The following PARVB variants were observed in gnomAD, a reference collection of about 807,000 sequenced individuals.
PARVB encodes the protein parvin beta, also known as beta-parvin.
In PARVB, 46 loss-of-function variants were observed where a neutral mutation model predicts 47.0. The ratio of observed to expected loss-of-function variants is 0.98; its 90% CI spans 0.77 to 1.25. The LOEUF (loss-of-function observed/expected upper bound fraction) is 1.25, where lower values mean the gene tolerates loss of function less well. PARVB is among the 50% of genes most tolerant of loss of function. The probability of loss-of-function intolerance (pLI) is 0.00; values close to 1 mark genes in which losing one functional copy is unlikely to be tolerated. For synonymous variants in PARVB, 196 were observed against 196.3 expected, an observed-to-expected ratio of 1.00 and a Z score of 0.01; for missense variants, 473 against 471.6, an observed-to-expected ratio of 1.00 and a Z score of -0.03.
intron 2 of PARVB, among the ~76,000 whole-genome samples, chr22:44,099,253 G>A (rs1462891345): frequency 6.6e-6 from 1 of 152,212 alleles, no homozygotes; most frequent in Non-Finnish European, 1.5e-5. Flanking sequence ...AGACCCCCTT[G>A]CCCTTCCCTG....
intron 1 of PARVB, among the ~76,000 whole-genome samples, chr22:44,034,375 G>A (rs569449462): frequency 6.7e-6 from 1 of 149,928 alleles, no homozygotes; most frequent in African/African-American, 2.5e-5. Context: ...TTGAGATGGG[G>A]GTCTTTATAC....
rs199796021 is a variant in PARVB, at chr22:44,109,729, C to CT, written c.274-9299dup. ...GACTGGGTTTGAAATCCAGATGTGA[C>CT]TTTTTTTTTTCTTTTTTCAGTTTTC... is the stretch of plus-strand genomic sequence containing the variant. On this transcript the variant is annotated intron_variant, in intron 3 of 12. Coordinates refer to ENST00000338758, the MANE Select transcript of PARVB (RefSeq NM_013327.5). 5.5e-3 allele frequency: 817 copies of CT among 149,754 alleles called. 11 individuals are homozygous for CT. Among genetic ancestry groups the CT allele is most frequent in the East Asian group, 0.054 (278 of 5,122 alleles). The allele number at this position is 149,754 out of a possible 1,614,324, so 9.3% of individuals were successfully genotyped here.
intron 2 of PARVB, among the ~76,000 whole-genome samples, chr22:44,003,769 A>G (rs918631372): frequency 6.6e-6 from 1 of 152,202 alleles, no homozygotes; most frequent in African/African-American, 2.4e-5. Flanking sequence ...CAACATGGAC[A>G]TTGGGCCAGG....
At chr22:44,165,493 G>T (rs1004561673) in intron 12 of PARVB, among the ~76,000 whole-genome samples, 53 of 152,214 alleles carry the variant, frequency 3.5e-4, no homozygotes, top group African/African-American at 1.2e-3. Flanking sequence ...CTGCCCTGCA[G>T]CCCTTTTGTT....
intron 1 of PARVB, among the ~76,000 whole-genome samples, chr22:44,062,395 T>C (rs2051436344): frequency 6.6e-6 from 1 of 152,088 alleles, no homozygotes; most frequent in East Asian, 1.9e-4. Context: ...CCCAGCACTT[T>C]GGGAGGCCAA....
intron 4 of PARVB, among the ~76,000 whole-genome samples, chr22:44,120,194 G>T (rs11913420): frequency 1.2e-3 from 176 of 152,268 alleles, no homozygotes; most frequent in African/African-American, 3.9e-3. Flanking sequence ...TGGGTCAGGC[G>T]CTCCTGCATG....
In PARVB at chr22:44,042,723, T is replaced by C. The variant is rs549599681; in HGVS notation, c.112+18272T>C. Among the ~76,000 whole-genome samples the C allele has an allele frequency of 2.0e-5, 3 of 152,368 alleles. No homozygotes were observed. In the South Asian group the frequency reaches 6.2e-4, roughly 32 times the overall value. On this transcript the variant is annotated intron_variant, in intron 1 of 12. Coordinates refer to ENST00000338758, the MANE Select transcript of PARVB (RefSeq NM_013327.5). ...TTTCAATCTTAACTGTGTGTGCAGC[T>C]GGGCATTGTTTCTATTTTATTTTGT...
At position 44,132,970 on chromosome 22, in the gene PARVB, C is replaced by A. The variant is rs201339328; in HGVS notation, c.594C>A (p.Arg198=). ...SLAMHFRAPI[R]LPEHVTVQVV... is the part of the protein sequence containing the mutation. ...CCATGCACTTCAGGGCCCCCATCCGCCTTCCTGAGCATGTAACGGTGCAGG... is the reference window on the plus strand; with the variant it reads ...CCATGCACTTCAGGGCCCCCATCCGACTTCCTGAGCATGTAACGGTGCAGG... The change falls in exon 6 of 13, where the codon CGC becomes CGA. Residue 198 remains arginine, a synonymous_variant. Coordinates refer to ENST00000338758, the MANE Select transcript of PARVB (RefSeq NM_013327.5). 13 of 1,613,982 alleles carry A rather than the reference C, an allele frequency of 8.1e-6. No individual in the cohort carries two copies. The highest frequency in any genetic ancestry group is 1.1e-5 in the Non-Finnish European group (13 of 1,180,006).
chr22:44,073,473 G>A (rs1055357973), intron 1 of PARVB, among the ~76,000 whole-genome samples: 3 of 152,182 alleles, frequency 2.0e-5, no homozygotes, highest in African/African-American at 4.8e-5. Context: ...TAGCCTGGGC[G>A]ACAGAGTGAG....
At chr22:44,093,535 G>GC (rs1475799207) in intron 1 of PARVB, among the ~76,000 whole-genome samples, 3 of 152,184 alleles carry the variant, frequency 2.0e-5, no homozygotes, top group Non-Finnish European at 4.4e-5. Context: ...TCAGGACGCA[G>GC]CCCCCCGGCA....
At chr22:43,999,690 A>G (rs745417944) in intron 2 of PARVB, 3 of 1,592,894 alleles carry the variant, frequency 1.9e-6, no homozygotes, top group African/African-American at 2.7e-5. Flanking sequence ...TTTGGGGGAA[A>G]AACTGTCAGA....
chr22:44,014,417 G>C (rs566049558), intron 2 of PARVB, among the ~76,000 whole-genome samples: 1 of 152,324 alleles, frequency 6.6e-6, no homozygotes, highest in East Asian at 1.9e-4. Flanking sequence ...GCAGCTGCAT[G>C]TAATCTGATT....
At chr22:44,041,821 G>A (rs1041394648) in intron 1 of PARVB, among the ~76,000 whole-genome samples, 1 of 152,152 alleles carries the variant, frequency 6.6e-6, no homozygotes, top group Non-Finnish European at 1.5e-5. Context: ...GAAGGCTGAG[G>A]CTGCAGTGAG....
intron 1 of PARVB, among the ~76,000 whole-genome samples, chr22:44,062,957 G>T (rs9614323): frequency 0.09 from 13,725 of 152,256 alleles, 705 homozygotes; most frequent in East Asian, 0.12. Context: ...GGGTTGGGGG[G>T]TGTGGAGCTG....
rs766017006 is a variant in PARVB, at chr22:44,131,607, C to T, written c.497C>T (p.Ala166Val). Residue 166 changes from alanine (A) to valine (V), a missense_variant, in exon 5 of 13, where the codon GCG becomes GTG. Physicochemically the swap from Ala to Val is moderately conservative, Grantham distance 64. Transcript: ENST00000338758. ...VHDLLRPRGWALRWSVDSIHG... is the reference protein window; with the variant it reads ...VHDLLRPRGWVLRWSVDSIHG... Reference sequence around the variant, plus strand: ...GACCTGCTGCGGCCCCGAGGCTGGGCGCTCCGGTGGAGCGTGGACTGTGAG... The same window carrying T: ...GACCTGCTGCGGCCCCGAGGCTGGGTGCTCCGGTGGAGCGTGGACTGTGAG... 19 of 1,613,458 alleles carry T rather than the reference C, an allele frequency of 1.2e-5. No homozygotes were observed. The highest frequency in any genetic ancestry group is 2.2e-5 in the South Asian group (2 of 90,988).
intron 1 of PARVB, chr22:44,026,432 GC>G: frequency 1.3e-6 from 1 of 757,692 alleles, no homozygotes; most frequent in Non-Finnish European, 1.6e-6. Flanking sequence ...CAAACAGAGG[GC>G]CACAAACCCT....
At position 44,024,466 on chromosome 22, in the gene PARVB, G is replaced by A; in HGVS notation, c.112+15G>A. The A allele has an allele frequency of 3.5e-6, 4 of 1,141,670 alleles. No homozygotes were observed. The highest frequency in any genetic ancestry group is 3.2e-6 in the Non-Finnish European group (3 of 928,934). 70.7% of individuals were successfully genotyped at this position (1,141,670 alleles called of 1,614,324 possible). A position where few individuals can be genotyped will look rare whatever the true frequency, so the allele number is the denominator to read the frequency against. ...GGCGCGCGAGGGTGAGTGCGCGCCC[G>A]CGCCCGCCGACCCCCGGGGACCTGC... On this transcript the variant is annotated intron_variant, in intron 1 of 12. Coordinates refer to ENST00000338758, the MANE Select transcript of PARVB (RefSeq NM_013327.5).
At chr22:44,145,830 CT>C (rs1479451028) in intron 8 of PARVB, 2 of 152,212 alleles carry the variant, frequency 1.3e-5, no homozygotes, top group African/African-American at 4.8e-5. Flanking sequence ...GTCAAGCACT[CT>C]TCTGCTCCTG....
At chr22:44,041,321 A>G (rs1569070185) in intron 1 of PARVB, among the ~76,000 whole-genome samples, 1 of 151,850 alleles carries the variant, frequency 6.6e-6, no homozygotes, top group South Asian at 2.1e-4. Flanking sequence ...GTGAAACTCC[A>G]TCTCTACAAA....
Sources: gnomAD v4.1 joint callset for allele counts (sites outside exome capture counted in the v4.1 genomes callset) on GRCh38, gnomAD v4.1.1 for gene constraint, MANE v1.5 for transcripts, NCBI Gene and HGNC (gene_info 2026-07-23, HGNC 2026-07-21) for gene names.